The following CLASP2 variants were observed in gnomAD, a reference collection of about 807,000 sequenced individuals.
The protein encoded by CLASP2 is CLIP-associating protein 2.
A neutral mutation model predicts 194.4 loss-of-function variants in CLASP2; 47 were observed. The ratio of observed to expected loss-of-function variants is 0.24; its 90% CI spans 0.19 to 0.31. The LOEUF (loss-of-function observed/expected upper bound fraction) is 0.31, where lower values mean the gene tolerates loss of function less well. CLASP2 is among the 10% of genes least tolerant of loss of function. The pLI is 1.00. For synonymous variants in CLASP2, 619 were observed against 633.5 expected (o/e 0.98, Z 0.34); for missense variants, 1,445 against 1,823.6 (o/e 0.79, Z 3.78).
chr3:33,590,093 A>C (rs1427342559), intron 21 of CLASP2, among the ~76,000 whole-genome samples: 1 of 152,154 alleles, frequency 6.6e-6, no homozygotes, highest in African/African-American at 2.4e-5. Context: ...AATTTTTTTA[A>C]ATTTTAAAAA....
At chr3:33,555,808 C>T (rs2154170777) in intron 29 of CLASP2, among the ~76,000 whole-genome samples, 1 of 152,288 alleles carries the variant, frequency 6.6e-6, no homozygotes, top group Non-Finnish European at 1.5e-5. Context: ...TTTATTTACA[C>T]TATGTGAGAT....
intron 23 of CLASP2, among the ~76,000 whole-genome samples, chr3:33,581,015 C>CAAAAAAAAAAAAAA (rs34304858): frequency 5.4e-4 from 31 of 57,300 alleles, no homozygotes; most frequent in Non-Finnish European, 6.3e-4. Context: ...GACTCCGTCT[C>CAAAAAAAAAAAAAA]AAAAAAAAAA....
chr3:33,620,997 T>TTGTGTG lies in CLASP2; in HGVS notation c.1181+1132_1181+1137dup, dbSNP rs60682503. Among the ~76,000 whole-genome samples, 400 of 142,656 alleles carry TTGTGTG rather than the reference T, an allele frequency of 2.8e-3. 1 individual carries two copies. The highest frequency in any genetic ancestry group is 4.3e-3 in the African/African-American group (164 of 38,164). The allele number at this position is 142,656 out of a possible 152,430, so 93.6% of individuals were successfully genotyped here. ...CCCATATTATGATCTCTGTAGCTCT[T>TTGTGTG]TGTGTGTGTGTGTGTGTGTGTGTGT... On this transcript the variant is annotated intron_variant, in intron 11 of 38. Coordinates refer to ENST00000682230, the MANE Select transcript of CLASP2 (RefSeq NM_001365631.1).
chr3:33,670,081 C>G (rs2086876809), intron 6 of CLASP2, among the ~76,000 whole-genome samples: 1 of 152,142 alleles, frequency 6.6e-6, no homozygotes, highest in Non-Finnish European at 1.5e-5. Context: ...TATATACATA[C>G]ACATGCACAC....
chr3:33,667,264 T>A (rs577107866), intron 6 of CLASP2, among the ~76,000 whole-genome samples: 114 of 151,950 alleles, frequency 7.5e-4, no homozygotes, highest in African/African-American at 2.6e-3. Context: ...ATACAAAACA[T>A]AGCTGGGTAT....
intron 1 of CLASP2, among the ~76,000 whole-genome samples, chr3:33,702,319 A>T (rs886076731): frequency 3.3e-5 from 5 of 152,200 alleles, no homozygotes; most frequent in African/African-American, 1.2e-4. Flanking sequence ...AGAGTCCAGA[A>T]ATAAACCCAT....
At chr3:33,616,607 G>A (rs563144783) in intron 12 of CLASP2, among the ~76,000 whole-genome samples, 8 of 151,630 alleles carry the variant, frequency 5.3e-5, no homozygotes, top group Non-Finnish European at 8.8e-5. Context: ...TGAACAGCAG[G>A]AAATTTCCAT....
intron 1 of CLASP2, among the ~76,000 whole-genome samples, chr3:33,715,436 C>CTA (rs1301712254): frequency 1.3e-5 from 2 of 152,160 alleles, no homozygotes; most frequent in Non-Finnish European, 2.9e-5. Context: ...ATCTAACACA[C>CTA]TATACATTTT....
intron 23 of CLASP2, 75 bp downstream of exon 23, chr3:33,581,746 C>A: frequency 1.0e-6 from 1 of 965,160 alleles, no homozygotes; most frequent in Non-Finnish European, 1.6e-6. Context: ...AGCTAAATCC[C>A]AGGTATGCTG....
intron 30 of CLASP2, 105 bp from the exon 31 acceptor site, chr3:33,544,946 TC>T: frequency 1.3e-6 from 1 of 741,710 alleles, no homozygotes; most frequent in Non-Finnish European, 1.9e-6. Flanking sequence ...TGACCATCTT[TC>T]CCAGGGAAAA....
intron 20 of CLASP2, among the ~76,000 whole-genome samples, chr3:33,593,603 A>G (rs2069404332): frequency 6.6e-6 from 1 of 152,210 alleles, no homozygotes; most frequent in African/African-American, 2.4e-5. Flanking sequence ...GTAGAATACC[A>G]GCATACTATC....
intron 7 of CLASP2, 130 bp downstream of exon 7, chr3:33,663,312 TTTG>T (rs2085608463): frequency 6.0e-6 from 3 of 498,440 alleles, no homozygotes; most frequent in Non-Finnish European, 6.9e-6. Flanking sequence ...ATGTAAATAT[TTTG>T]TTATTATATC....
chr3:33,653,193 G>C (rs1575297933), intron 7 of CLASP2, among the ~76,000 whole-genome samples: 1 of 152,280 alleles, frequency 6.6e-6, no homozygotes, highest in East Asian at 1.9e-4. Context: ...ATCAGACAGT[G>C]TATGCCTTCT....
chr3:33,659,171 A>G (rs1182242970), intron 7 of CLASP2: 2 of 1,381,790 alleles, frequency 1.4e-6, no homozygotes, highest in Non-Finnish European at 1.9e-6. Flanking sequence ...CTTCAAAATA[A>G]AAGTCTGGGG....
At chr3:33,692,393 T>C (rs566244617) in intron 2 of CLASP2, among the ~76,000 whole-genome samples, 8 of 152,308 alleles carry the variant, frequency 5.3e-5, no homozygotes, top group African/African-American at 1.9e-4. Flanking sequence ...CTCACTTTAA[T>C]ATTAAAAACC....
chr3:33,574,764 T>C (rs1485081763), intron 24 of CLASP2, among the ~76,000 whole-genome samples: 2 of 152,144 alleles, frequency 1.3e-5, no homozygotes. Context: ...TTGGATCCTT[T>C]TGTCATTTCC....
chr3:33,712,393 T>C (rs930699704), intron 1 of CLASP2, among the ~76,000 whole-genome samples: 2 of 152,052 alleles, frequency 1.3e-5, no homozygotes, highest in African/African-American at 4.8e-5. Flanking sequence ...AGACTATATA[T>C]TGGTAGTGTA....
chr3:33,712,829 G>A (rs2093082975), intron 1 of CLASP2, among the ~76,000 whole-genome samples: 1 of 151,848 alleles, frequency 6.6e-6, no homozygotes, highest in Admixed American at 6.6e-5. Flanking sequence ...GGGCATGGTG[G>A]TGCGTGCCTG....
intron 17 of CLASP2, 50 bp from the exon 18 acceptor site, chr3:33,603,175 C>A: frequency 6.8e-7 from 1 of 1,475,134 alleles, no homozygotes; most frequent in South Asian, 1.4e-5. Flanking sequence ...TCACTGAAAA[C>A]ATGAAAATTA....
Sources: gnomAD v4.1 joint callset for allele counts (sites outside exome capture counted in the v4.1 genomes callset) on GRCh38, gnomAD v4.1.1 for gene constraint, MANE v1.5 for transcripts, NCBI Gene and HGNC (gene_info 2026-07-23, HGNC 2026-07-21) for gene names.